The following GRIP1 variants were observed in gnomAD, a reference collection of about 807,000 sequenced individuals.
The protein encoded by GRIP1 is glutamate receptor interacting protein 1, also known as glutamate receptor-interacting protein 1.
A neutral mutation model predicts 129.9 loss-of-function variants in GRIP1; 45 were observed. That is an observed-to-expected ratio of 0.35 (90% confidence interval 0.27 to 0.44). The LOEUF (loss-of-function observed/expected upper bound fraction) is 0.44, where lower values mean the gene tolerates loss of function less well. Ranked by LOEUF, GRIP1 falls within the 20% of genes least tolerant of loss-of-function variation. The pLI, the probability that GRIP1 is intolerant of heterozygous loss-of-function variation, is 1.00. For synonymous variants in GRIP1, 530 were observed against 520.8 expected (o/e 1.02, Z -0.24); for missense variants, 1,196 against 1,396.8 (o/e 0.86, Z 2.29).
chr12:66,590,867 C>T (rs1285779177), intron 2 of GRIP1, among the ~76,000 whole-genome samples: 2 of 152,286 alleles, frequency 1.3e-5, no homozygotes, highest in South Asian at 2.1e-4. Context: ...CTGCAGCATA[C>T]AATGAGACAG....
upstream of GRIP1, among the ~76,000 whole-genome samples, chr12:66,807,261 G>A (rs1319555147): frequency 6.6e-6 from 1 of 152,138 alleles, no homozygotes; most frequent in East Asian, 1.9e-4. Flanking sequence ...TGGAGGTGGG[G>A]TCTGGTGAGA....
intron 6 of GRIP1, 47 bp downstream of exon 6, chr12:66,517,854 C>G (rs761354638): frequency 8.1e-6 from 8 of 984,476 alleles, no homozygotes; most frequent in Non-Finnish European, 1.3e-5. Flanking sequence ...AAGTCCCCAG[C>G]TTTATTTATT....
chr12:66,709,954 T>A (rs1164829770), intron 1 of GRIP1, among the ~76,000 whole-genome samples: 5 of 151,988 alleles, frequency 3.3e-5, no homozygotes, highest in Non-Finnish European at 7.4e-5. Context: ...ATGATTAGAC[T>A]GGAATTATAT....
At chr12:66,752,081 C>A (rs1036551557) in intron 1 of GRIP1, among the ~76,000 whole-genome samples, 2 of 152,032 alleles carry the variant, frequency 1.3e-5, no homozygotes, top group African/African-American at 2.4e-5. Context: ...ACAAATCATT[C>A]ATGAAAATGC....
At chr12:66,396,586 A>T in intron 16 of GRIP1, among the ~76,000 whole-genome samples, 1 of 152,114 alleles carries the variant, frequency 6.6e-6, no homozygotes, top group East Asian at 1.9e-4. Context: ...ACATTTTTTT[A>T]TTGGCATCTG....
At chr12:67,053,116 A>AGT (rs1450354211) in intron 1 of GRIP1, among the ~76,000 whole-genome samples, 1 of 152,198 alleles carries the variant, frequency 6.6e-6, no homozygotes, top group Non-Finnish European at 1.5e-5. Flanking sequence ...TTCATTCAGG[A>AGT]GTCTCCCTTA....
chr12:67,066,450 C>G (rs981136989), intron 1 of GRIP1, among the ~76,000 whole-genome samples: 2 of 152,068 alleles, frequency 1.3e-5, no homozygotes. Context: ...AAATGTTATG[C>G]TAGAGTAATC....
intron 17 of GRIP1, among the ~76,000 whole-genome samples, chr12:66,393,618 T>C (rs1487644439): frequency 2.0e-5 from 3 of 152,178 alleles, no homozygotes; most frequent in African/African-American, 7.2e-5. Context: ...GATTTGCTTA[T>C]AGGGTTTGTT....
chr12:66,478,593 G>T (rs1270740639), intron 7 of GRIP1, among the ~76,000 whole-genome samples: 1 of 152,164 alleles, frequency 6.6e-6, no homozygotes, highest in Non-Finnish European at 1.5e-5. Flanking sequence ...GTTTATTGCG[G>T]CAGTACTCAC....
At chr12:66,708,844 A>T (rs922668325) in intron 1 of GRIP1, among the ~76,000 whole-genome samples, 10 of 151,762 alleles carry the variant, frequency 6.6e-5, no homozygotes, top group Non-Finnish European at 1.3e-4. Context: ...CCCTCAAGTA[A>T]ATTTAGTTGT....
At chr12:66,476,947 A>G (rs1026168501) in intron 7 of GRIP1, among the ~76,000 whole-genome samples, 7 of 152,318 alleles carry the variant, frequency 4.6e-5, no homozygotes, top group Admixed American at 2.0e-4. Context: ...AACTGGAAGC[A>G]TTCCCTTTGA....
At chr12:66,636,699 G>A (rs1056580312) in intron 1 of GRIP1, among the ~76,000 whole-genome samples, 1 of 148,940 alleles carries the variant, frequency 6.7e-6, no homozygotes, top group Admixed American at 6.7e-5. Context: ...ATAAAACAGG[G>A]GGAGACATTA....
At chr12:66,455,624 C>T (rs1592355722) in intron 10 of GRIP1, 60 bp from the exon 11 acceptor site, 1 of 1,505,988 alleles carries the variant, frequency 6.6e-7, no homozygotes, top group South Asian at 1.1e-5. Context: ...GCCCGCCACA[C>T]TTGTCAACCA....
At chr12:66,803,729 G>A (rs2038921288) in intron 1 of GRIP1, among the ~76,000 whole-genome samples, 1 of 152,192 alleles carries the variant, frequency 6.6e-6, no homozygotes, top group South Asian at 2.1e-4. Flanking sequence ...AAAAAGGAAA[G>A]CAACAACTAC....
At chr12:66,782,406 T>C (rs1389795621) in intron 1 of GRIP1, among the ~76,000 whole-genome samples, 1 of 152,154 alleles carries the variant, frequency 6.6e-6, no homozygotes, top group Non-Finnish European at 1.5e-5. Context: ...CTGGAGGCAA[T>C]GAAGTTCCTG....
intron 1 of GRIP1, among the ~76,000 whole-genome samples, chr12:66,661,858 T>C (rs1486480012): frequency 6.6e-6 from 1 of 152,162 alleles, no homozygotes. Flanking sequence ...GATTAATTCA[T>C]CCAGAAGTCT....
intron 1 of GRIP1, among the ~76,000 whole-genome samples, chr12:66,622,600 A>G (rs1268773517): frequency 1.3e-5 from 2 of 152,176 alleles, no homozygotes; most frequent in East Asian, 3.8e-4. Context: ...GCTAAAGAGC[A>G]AGCATGCCAG....
chr12:67,017,783 C>G (rs1015956842), intron 1 of GRIP1, among the ~76,000 whole-genome samples: 1 of 152,180 alleles, frequency 6.6e-6, no homozygotes, highest in Admixed American at 6.5e-5. Flanking sequence ...CCAAAACAGC[C>G]TGCAGCTGTT....
intron 1 of GRIP1, among the ~76,000 whole-genome samples, chr12:67,011,858 G>GTT (rs2042713252): frequency 6.6e-6 from 1 of 152,134 alleles, no homozygotes; most frequent in Admixed American, 6.6e-5. Context: ...TAAGCTCTCT[G>GTT]TTGCAACTAC....
Sources: allele counts gnomAD v4.1 joint callset (sites outside exome capture counted in the v4.1 genomes callset), GRCh38; gene constraint gnomAD v4.1.1; transcripts MANE v1.5; gene names NCBI Gene and HGNC (gene_info 2026-07-23, HGNC 2026-07-21).